Variants in PPP1R12A observed in about 807,000 individuals in gnomAD.
PPP1R12A encodes myosin binding subunit.
Under a neutral mutation model 139.6 loss-of-function variants are expected in PPP1R12A, and 19 were observed. That is an observed-to-expected ratio of 0.14 (90% CI 0.09 to 0.20). PPP1R12A has a LOEUF of 0.20. PPP1R12A is among the 10% of genes least tolerant of loss of function. PPP1R12A has a pLI of 1.00. For synonymous variants in PPP1R12A, 427 were observed against 420.6 expected (o/e 1.02, Z -0.19); for missense variants, 925 against 1,211.5 (o/e 0.76, Z 3.51).
chr12:79,931,901 C>G (rs1394726162), intron 1 of PPP1R12A, among the ~76,000 whole-genome samples: 2 of 152,148 alleles, frequency 1.3e-5, no homozygotes, highest in Non-Finnish European at 2.9e-5. Context: ...ACAAAAAGAA[C>G]AGCTGAAGAC....
chr12:79,785,644 T>C (rs1197845323), intron 22 of PPP1R12A, among the ~76,000 whole-genome samples: 2 of 152,194 alleles, frequency 1.3e-5, no homozygotes, highest in African/African-American at 4.8e-5. Context: ...TTCTTAAAAA[T>C]TACAGGATGC....
chr12:79,906,532 A>C (rs1321174691), intron 1 of PPP1R12A, among the ~76,000 whole-genome samples: 8 of 152,186 alleles, frequency 5.3e-5, no homozygotes. Context: ...ATATTTAGCC[A>C]ATATCAGGAA....
chr12:79,867,432 C>T (rs1882091854), intron 2 of PPP1R12A, among the ~76,000 whole-genome samples: 3 of 151,752 alleles, frequency 2.0e-5, no homozygotes, highest in African/African-American at 4.8e-5. Flanking sequence ...CAAAACTGTA[C>T]GTTCTGCACA....
intron 2 of PPP1R12A, among the ~76,000 whole-genome samples, chr12:79,845,700 G>T (rs1592705640): frequency 6.6e-6 from 1 of 152,054 alleles, no homozygotes; most frequent in South Asian, 2.1e-4. Flanking sequence ...GCCGGGCGTG[G>T]TGGTGGGCGC....
intron 19 of PPP1R12A, 84 bp downstream of exon 19, chr12:79,793,779 A>G: frequency 9.3e-7 from 1 of 1,075,256 alleles, no homozygotes; most frequent in Non-Finnish European, 1.3e-6. Context: ...ACTGCTTTGC[A>G]TGAATAAACA....
intron 17 of PPP1R12A, 87 bp downstream of exon 17, chr12:79,796,695 C>T: frequency 5.4e-6 from 6 of 1,111,956 alleles, no homozygotes; most frequent in East Asian, 2.7e-5. Context: ...GATGCTGTTC[C>T]TTTACTGTTG....
chr12:79,876,180 C>T (rs1307843877), intron 1 of PPP1R12A, among the ~76,000 whole-genome samples: 3 of 152,258 alleles, frequency 2.0e-5, no homozygotes, highest in African/African-American at 2.4e-5. Flanking sequence ...AAATTACAAC[C>T]CCCTCCCTAC....
chr12:79,852,683 A>G (rs1419104136), intron 2 of PPP1R12A, among the ~76,000 whole-genome samples: 1 of 151,992 alleles, frequency 6.6e-6, no homozygotes, highest in Non-Finnish European at 1.5e-5. Context: ...TACACTACAG[A>G]TGGGGCAGCT....
At position 79,833,185 on chromosome 12, in the gene PPP1R12A, C is replaced by T. The variant is rs147187425; in HGVS notation, c.488-694G>A. On this transcript the variant is annotated intron_variant, in intron 3 of 24. Coordinates refer to ENST00000450142, the MANE Select transcript of PPP1R12A (RefSeq NM_002480.3). ...ACTTGGGAGGCTGATGTGGAAGGAT[C>T]GCTTGAGCCAGGAGGTCAAGGCTGC... Among the ~76,000 whole-genome samples the T allele has an allele frequency of 9.0e-3, 1,373 of 151,818 alleles. 24 individuals carry two copies. Among genetic ancestry groups the T allele is most frequent in the African/African-American group, 0.032 (1,314 of 41,412 alleles).
intron 8 of PPP1R12A, 107 bp downstream of exon 8, chr12:79,820,667 T>C: frequency 3.4e-6 from 4 of 1,183,564 alleles, no homozygotes; most frequent in Non-Finnish European, 4.8e-6. Flanking sequence ...GGCAGGTATC[T>C]AAACAAGTAG....
At chr12:79,813,296 A>G (rs2137082648) in intron 9 of PPP1R12A, among the ~76,000 whole-genome samples, 1 of 152,308 alleles carries the variant, frequency 6.6e-6, no homozygotes, top group South Asian at 2.1e-4. Flanking sequence ...CAAGGTTTAC[A>G]AGCCCTTCTT....
At chr12:79,934,581 C>T (rs1339357194) in intron 1 of PPP1R12A, 114 bp downstream of exon 1, 1 of 1,006,678 alleles carries the variant, frequency 9.9e-7, no homozygotes, top group Non-Finnish European at 1.4e-6. Flanking sequence ...CACCCCGCAG[C>T]AGGGAGTCTC....
intron 1 of PPP1R12A, among the ~76,000 whole-genome samples, chr12:79,892,507 G>A (rs936199631): frequency 1.2e-4 from 19 of 152,228 alleles, no homozygotes; most frequent in African/African-American, 4.6e-4. Context: ...AAAAAGAAAT[G>A]TCAACTTTTA....
At chr12:79,788,869 C>A in intron 20 of PPP1R12A, 86 bp from the exon 21 acceptor site, 1 of 1,204,680 alleles carries the variant, frequency 8.3e-7, no homozygotes, top group Non-Finnish European at 1.1e-6. Flanking sequence ...TATAACTTGA[C>A]AGTTCAAAAG....
chr12:79,778,517 C>A, intron 24 of PPP1R12A, 33 bp downstream of exon 24: 1 of 1,387,210 alleles, frequency 7.2e-7, no homozygotes, highest in Admixed American at 2.3e-5. Flanking sequence ...ACATAAACAG[C>A]ACTCTCTCTC....
chr12:79,797,695 C>G (rs1872644261), intron 15 of PPP1R12A, among the ~76,000 whole-genome samples: 1 of 151,668 alleles, frequency 6.6e-6, no homozygotes, highest in Admixed American at 6.6e-5. Flanking sequence ...ATATATATGT[C>G]TGTGTGTGTG....
At chr12:79,856,277 T>G (rs1402704674) in intron 2 of PPP1R12A, among the ~76,000 whole-genome samples, 1 of 152,236 alleles carries the variant, frequency 6.6e-6, no homozygotes, top group Non-Finnish European at 1.5e-5. Context: ...CCTCTCCATA[T>G]TCCACTAATG....
intron 1 of PPP1R12A, among the ~76,000 whole-genome samples, chr12:79,900,558 A>T (rs1484818887): frequency 6.6e-6 from 1 of 152,214 alleles, no homozygotes; most frequent in Non-Finnish European, 1.5e-5. Context: ...TAGCTTTAAC[A>T]TCCTTAAACC....
chr12:79,872,448 T>C (rs1183186969), intron 2 of PPP1R12A, among the ~76,000 whole-genome samples: 1 of 152,140 alleles, frequency 6.6e-6, no homozygotes, highest in Non-Finnish European at 1.5e-5. Context: ...CCTATAGCAA[T>C]GTAACCCAGT....
Sources: allele counts gnomAD v4.1 joint callset (sites outside exome capture counted in the v4.1 genomes callset), GRCh38; gene constraint gnomAD v4.1.1; transcripts MANE v1.5; gene names NCBI Gene and HGNC (gene_info 2026-07-23, HGNC 2026-07-21).